The following CNTN6 variants were observed in gnomAD, a reference collection of about 807,000 sequenced individuals.
CNTN6 encodes the protein contactin 6, also known as contactin-6.
A neutral mutation model predicts 122.8 loss-of-function variants in CNTN6; 137 were observed. The observed-to-expected ratio is 1.12, with a 90% CI of 0.97 to 1.29. The LOEUF (loss-of-function observed/expected upper bound fraction) is 1.29, where lower values mean the gene tolerates loss of function less well. Among genes scored for constraint, CNTN6 ranks in the 50% most tolerant of loss-of-function variants. The pLI is 0.00. For missense variants in CNTN6, 1,634 were observed against 1,223.4 expected (o/e 1.34, Z -5.01); for synonymous variants, 570 against 426.0 (o/e 1.34, Z -4.16).
chr3:1,236,964 C>T (rs2094430560), intron 4 of CNTN6, among the ~76,000 whole-genome samples: 1 of 151,786 alleles, frequency 6.6e-6, no homozygotes, highest in Non-Finnish European at 1.5e-5. Flanking sequence ...GCCTGTAGTG[C>T]CAGCTACTTG....
At chr3:1,260,612 C>G (rs1160731868) in intron 4 of CNTN6, among the ~76,000 whole-genome samples, 1 of 151,912 alleles carries the variant, frequency 6.6e-6, no homozygotes, top group Non-Finnish European at 1.5e-5. Context: ...GTGTCCCTGC[C>G]CAAATCTCAT....
chr3:1,255,236 C>T (rs561599113), intron 4 of CNTN6, among the ~76,000 whole-genome samples: 2 of 152,036 alleles, frequency 1.3e-5, no homozygotes, highest in Admixed American at 6.6e-5. Flanking sequence ...AGAGACTATG[C>T]CTCTGATGGA....
intron 2 of CNTN6, among the ~76,000 whole-genome samples, chr3:1,200,606 C>CT (rs1232149873): frequency 6.6e-6 from 1 of 152,134 alleles, no homozygotes; most frequent in Non-Finnish European, 1.5e-5. Flanking sequence ...ACTGGGCTCT[C>CT]TTTTTTAAGC....
chr3:1,314,940 T>G (rs1699886024), intron 7 of CNTN6, among the ~76,000 whole-genome samples: 1 of 152,012 alleles, frequency 6.6e-6, no homozygotes, highest in African/African-American at 2.4e-5. Flanking sequence ...CTGAGGAATC[T>G]TTGAATAAGA....
intron 2 of CNTN6, among the ~76,000 whole-genome samples, chr3:1,202,876 G>A (rs1009420193): frequency 3.3e-5 from 5 of 152,164 alleles, no homozygotes; most frequent in Admixed American, 2.6e-4. Context: ...CTGAGAGGAA[G>A]ATAATTTAGC....
chr3:1,177,327 G>A (rs1443856546), intron 2 of CNTN6, among the ~76,000 whole-genome samples: 1 of 151,914 alleles, frequency 6.6e-6, no homozygotes, highest in East Asian at 1.9e-4. Flanking sequence ...CAAGTGTGAT[G>A]TTGTTATGAT....
intron 1 of CNTN6, among the ~76,000 whole-genome samples, chr3:1,105,068 G>T (rs915245387): frequency 1.3e-5 from 2 of 152,176 alleles, no homozygotes; most frequent in East Asian, 3.9e-4. Context: ...CAAATTGTGG[G>T]TTTTTAAAAA....
At chr3:1,346,693 C>T (rs1287820480) in intron 11 of CNTN6, among the ~76,000 whole-genome samples, 2 of 152,086 alleles carry the variant, frequency 1.3e-5, no homozygotes, top group East Asian at 3.9e-4. Context: ...TACTGAGTCT[C>T]AGGGAGTCTG....
chr3:1,202,401 G>A (rs1006958899), intron 2 of CNTN6, among the ~76,000 whole-genome samples: 12 of 149,248 alleles, frequency 8.0e-5, no homozygotes, highest in Middle Eastern at 3.2e-3. Context: ...TCAGCCGGGC[G>A]TGGTGGCGGG....
intron 11 of CNTN6, among the ~76,000 whole-genome samples, chr3:1,339,521 G>C (rs1247540034): frequency 6.6e-6 from 1 of 152,166 alleles, no homozygotes; most frequent in East Asian, 1.9e-4. Flanking sequence ...AACATGTGAA[G>C]AGAGTGAGGG....
At chr3:1,336,520 C>G (rs1703086441) in intron 11 of CNTN6, among the ~76,000 whole-genome samples, 1 of 152,132 alleles carries the variant, frequency 6.6e-6, no homozygotes, top group Non-Finnish European at 1.5e-5. Context: ...AATGAGCGGA[C>G]AGCTGGACTC....
At chr3:1,149,970 T>G (rs1345710610) in intron 2 of CNTN6, among the ~76,000 whole-genome samples, 1 of 151,162 alleles carries the variant, frequency 6.6e-6, no homozygotes, top group East Asian at 1.9e-4. Flanking sequence ...TGGATGTGAT[T>G]CAACATGTCC....
intron 1 of CNTN6, among the ~76,000 whole-genome samples, chr3:1,096,594 A>G (rs184989497): frequency 2.0e-4 from 31 of 152,298 alleles, no homozygotes; most frequent in Admixed American, 4.6e-4. Context: ...TGCCACTTGA[A>G]TGAATAGTAT....
At chr3:1,299,219 A>G (rs9855444) in intron 7 of CNTN6, among the ~76,000 whole-genome samples, 9,422 of 152,200 alleles carry the variant, frequency 0.062, 438 homozygotes, top group African/African-American at 0.13. Context: ...GGGGCTTTAC[A>G]TCAGTTTTTA....
At chr3:1,252,662 A>T (rs764851581) in intron 4 of CNTN6, among the ~76,000 whole-genome samples, 1 of 152,190 alleles carries the variant, frequency 6.6e-6, no homozygotes, top group Non-Finnish European at 1.5e-5. Context: ...TTGCATATTC[A>T]TGATCTGTTT....
chr3:1,345,969 G>A lies in CNTN6; in HGVS notation c.1365-6355G>A, dbSNP rs189121352. ...GTTTCAGCAATAAGAAATTATAATTGCCCGATGACCTGATTTTTTTTTTTT... is the reference window on the plus strand; with the variant it reads ...GTTTCAGCAATAAGAAATTATAATTACCCGATGACCTGATTTTTTTTTTTT... On this transcript the variant is annotated intron_variant, in intron 11 of 22. Transcript: ENST00000446702. Among the ~76,000 whole-genome samples the A allele has an allele frequency of 1.9e-3, 292 of 151,322 alleles. 2 individuals carry two copies. The highest frequency in any genetic ancestry group is 2.7e-3 in the Non-Finnish European group (181 of 67,880).
At chr3:1,377,711 C>T (rs17785996) in intron 17 of CNTN6, among the ~76,000 whole-genome samples, 14,764 of 152,128 alleles carry the variant, frequency 0.097, 906 homozygotes, top group Middle Eastern at 0.15. Flanking sequence ...AAAGGGAATA[C>T]GTGGTCAGTT....
intron 4 of CNTN6, among the ~76,000 whole-genome samples, chr3:1,254,150 C>T (rs2094716008): frequency 6.6e-6 from 1 of 152,230 alleles, no homozygotes; most frequent in East Asian, 1.9e-4. Context: ...TTTTTAAAGA[C>T]ATAAAATATA....
intron 4 of CNTN6, among the ~76,000 whole-genome samples, chr3:1,261,334 A>C (rs2094843236): frequency 6.6e-6 from 1 of 152,136 alleles, no homozygotes. Context: ...AAAACCCAAA[A>C]ACTGATGAAG....
Sources: gnomAD v4.1 joint callset for allele counts (sites outside exome capture counted in the v4.1 genomes callset) on GRCh38, gnomAD v4.1.1 for gene constraint, MANE v1.5 for transcripts, NCBI Gene and HGNC (gene_info 2026-07-23, HGNC 2026-07-21) for gene names.